The following RBFOX3 variants were observed in gnomAD, a reference collection of about 807,000 sequenced individuals.
RBFOX3 encodes the protein RNA binding protein fox-1 homolog 3.
RBFOX3 carries 17 observed loss-of-function variants against 48.7 expected under a neutral mutation model. The observed-to-expected ratio is 0.35, with a 90% confidence interval of 0.24 to 0.52. The LOEUF is 0.52. Among genes scored for constraint, RBFOX3 ranks in the 20% least tolerant of loss-of-function variants. The pLI, the probability that RBFOX3 is intolerant of heterozygous loss-of-function variation, is 0.94. For synonymous variants in RBFOX3, 212 were observed against 209.5 expected (o/e 1.01, Z -0.10); for missense variants, 382 against 497.5 (o/e 0.77, Z 2.21).
chr17:79,234,888 G>C (rs2061463049), intron 4 of RBFOX3: 1 of 151,836 alleles, frequency 6.6e-6, no homozygotes, highest in Non-Finnish European at 1.5e-5. Flanking sequence ...CCGCCACCAT[G>C]CCCGGCTAAT....
At chr17:79,398,065 G>A (rs1023283152) in intron 2 of RBFOX3, among the ~76,000 whole-genome samples, 12 of 152,148 alleles carry the variant, frequency 7.9e-5, no homozygotes, top group Non-Finnish European at 1.6e-4. Context: ...GAGCCCGAAC[G>A]AGGCTCTGGG....
intron 1 of RBFOX3, among the ~76,000 whole-genome samples, chr17:79,519,102 G>T (rs2085682151): frequency 6.6e-6 from 1 of 152,242 alleles, no homozygotes; most frequent in Non-Finnish European, 1.5e-5. Flanking sequence ...AGATGCTCCG[G>T]AGGTAAACCA....
the RBFOX3 span, among the ~76,000 whole-genome samples, chr17:79,634,421 C>T: frequency 6.6e-6 from 1 of 152,332 alleles, no homozygotes; most frequent in African/African-American, 2.4e-5. Context: ...CAGGCTAAAA[C>T]CCACACCCAA....
rs1264874272 is a variant in RBFOX3, at chr17:79,477,522, C to T, written c.-175+4932G>A. Among the ~76,000 whole-genome samples the T allele has an allele frequency of 1.3e-5, 2 of 151,788 alleles. No individual in the cohort carries two copies. Among genetic ancestry groups the T allele is most frequent in the Non-Finnish European group, 2.9e-5 (2 of 67,960 alleles). ...AGTGAGCTGAGATCGCCCCATCGCACTCCAGCCTGGGCGACAGAGCGAAAC... is the reference window on the plus strand; with the variant it reads ...AGTGAGCTGAGATCGCCCCATCGCATTCCAGCCTGGGCGACAGAGCGAAAC... On this transcript the variant is annotated intron_variant, in intron 2 of 14. Coordinates refer to ENST00000693108, the MANE Select transcript of RBFOX3 (RefSeq NM_001350451.2). The surrounding 1 kb of genome is among the most constrained non-coding windows in gnomAD (Gnocchi z 4.8).
At chr17:79,158,019 C>T (rs547130325) in intron 4 of RBFOX3, among the ~76,000 whole-genome samples, 74 of 152,268 alleles carry the variant, frequency 4.9e-4, no homozygotes, top group African/African-American at 1.7e-3. Context: ...TGCGTGGAGA[C>T]GGGACCTTTA....
At chr17:79,478,063 T>C (rs3803774) in intron 2 of RBFOX3, among the ~76,000 whole-genome samples, 51,322 of 152,050 alleles carry the variant, frequency 0.34, 9,370 homozygotes, top group Non-Finnish European at 0.41. Flanking sequence ...CTCTCCCCGC[T>C]GCCAAGCAAC....
chr17:79,369,552 A>G (rs1016419532), intron 2 of RBFOX3, among the ~76,000 whole-genome samples: 1 of 151,994 alleles, frequency 6.6e-6, no homozygotes, highest in Non-Finnish European at 1.5e-5. Flanking sequence ...CTGCCACCCC[A>G]AACTCTGGGT....
At chr17:79,227,607 G>C (rs950601751) in intron 4 of RBFOX3, among the ~76,000 whole-genome samples, 3 of 152,200 alleles carry the variant, frequency 2.0e-5, no homozygotes, top group African/African-American at 2.4e-5. Context: ...TGGCGGCGTG[G>C]GGAGGCTGAC....
intron 2 of RBFOX3, among the ~76,000 whole-genome samples, chr17:79,354,195 G>A (rs2084520528): frequency 6.6e-6 from 1 of 152,166 alleles, no homozygotes; most frequent in Non-Finnish European, 1.5e-5. Context: ...GCTCACAGGA[G>A]GATTAGCTGT....
chr17:79,301,805 A>G (rs1050943639), intron 3 of RBFOX3, among the ~76,000 whole-genome samples: 7 of 152,214 alleles, frequency 4.6e-5, no homozygotes, highest in African/African-American at 1.2e-4. Context: ...ACAGGCCACA[A>G]TGTGAATGAG....
chr17:79,517,563 T>A (rs1206800511), intron 1 of RBFOX3, among the ~76,000 whole-genome samples: 2 of 94 alleles, frequency 0.021, no homozygotes, highest in Non-Finnish European at 0.034. Flanking sequence ...GGGCCCCCAT[T>A]CCTATGGCTG....
intron 2 of RBFOX3, among the ~76,000 whole-genome samples, chr17:79,381,570 C>T (rs1472067175): frequency 6.6e-6 from 1 of 152,126 alleles, no homozygotes; most frequent in Non-Finnish European, 1.5e-5. Flanking sequence ...TGTCCATGTT[C>T]CCCTCAACCC....
intron 1 of RBFOX3, among the ~76,000 whole-genome samples, chr17:79,581,351 G>A (rs2093052769): frequency 6.6e-6 from 1 of 152,192 alleles, no homozygotes; most frequent in African/African-American, 2.4e-5. Context: ...CAAGAAGGAA[G>A]ACTTCCCCTC....
rs777409067 is a variant in RBFOX3, at chr17:79,243,692, C to T, written c.-73-7887G>A. ...CTGGCCCACCCCTGAGCACCCTTGA[C>T]AACACCCAAGCTGTGCCACAGACAC... On this transcript the variant is annotated intron_variant, in intron 3 of 14. Coordinates refer to ENST00000693108, the MANE Select transcript of RBFOX3 (RefSeq NM_001350451.2). This position sits in a 1 kb window ranked among gnomAD's most constrained non-coding sequence, Gnocchi z 7.9. Among the ~76,000 whole-genome samples, 42 of 152,138 alleles carry T rather than the reference C, an allele frequency of 2.8e-4. No individual in the cohort carries two copies. Among genetic ancestry groups the T allele is most frequent in the African/African-American group, 3.9e-4 (16 of 41,420 alleles).
At chr17:79,237,301 C>G (rs939407641) in intron 3 of RBFOX3, among the ~76,000 whole-genome samples, 160 of 152,316 alleles carry the variant, frequency 1.1e-3, no homozygotes, top group African/African-American at 3.7e-3. Context: ...AAGGTTACTG[C>G]GGTCGTTTAG....
At position 79,152,918 on chromosome 17, in the gene RBFOX3, G is replaced by A. The variant is rs559859907; in HGVS notation, c.-33-37170C>T. Among the ~76,000 whole-genome samples the A allele has an allele frequency of 1.2e-3, 179 of 152,340 alleles. 1 individual carries two copies. The highest frequency in any genetic ancestry group is 4.3e-3 in the African/African-American group (177 of 41,582). ...GTGTTTACAGGCTGCCAGCACTCCT[G>A]TGCTGGGGGTGTTTCCAGCCCTTCT... On this transcript the variant is annotated intron_variant, in intron 4 of 14. Coordinates refer to ENST00000693108, the MANE Select transcript of RBFOX3 (RefSeq NM_001350451.2).
intron 4 of RBFOX3, among the ~76,000 whole-genome samples, chr17:79,153,408 G>A (rs1288732737): frequency 2.6e-5 from 4 of 152,210 alleles, no homozygotes; most frequent in African/African-American, 9.6e-5. Flanking sequence ...TCCACGAGAA[G>A]CCCATTTTTG....
intron 1 of RBFOX3, among the ~76,000 whole-genome samples, chr17:79,494,243 C>A (rs1202757531): frequency 7.2e-5 from 11 of 152,304 alleles, no homozygotes; most frequent in African/African-American, 2.2e-4. Flanking sequence ...GGGAACCTGT[C>A]CCCTCAGCAG....
chr17:79,645,499 G>A, the RBFOX3 span, among the ~76,000 whole-genome samples: 88 of 152,204 alleles, frequency 5.8e-4, no homozygotes, highest in Non-Finnish European at 1.1e-3. Flanking sequence ...CCTTCTAAGC[G>A]AGGCTTGCCT....
Sources: gnomAD v4.1 joint callset for allele counts (sites outside exome capture counted in the v4.1 genomes callset) on GRCh38, gnomAD v4.1.1 for gene constraint, Gnocchi (gnomAD v3.1) non-coding constraint, MANE v1.5 for transcripts, NCBI Gene and HGNC (gene_info 2026-07-23, HGNC 2026-07-21) for gene names.